The following FAM78B variants were observed in gnomAD, a reference collection of about 807,000 sequenced individuals.
FAM78B encodes the protein family with sequence similarity 78 member B.
FAM78B carries 10 observed loss-of-function variants against 20.0 expected under a neutral mutation model. The observed-to-expected ratio is 0.50, with a 90% CI of 0.31 to 0.85. The LOEUF (loss-of-function observed/expected upper bound fraction) is 0.85. Ranked by LOEUF, FAM78B falls within the 40% of genes least tolerant of loss-of-function variation. The pLI, the probability that FAM78B is intolerant of heterozygous loss-of-function variation, is 0.05. For missense variants in FAM78B, 283 were observed against 345.0 expected (o/e 0.82, Z 1.42); for synonymous variants, 135 against 132.8 (o/e 1.02, Z -0.12).
At chr1:166,084,227 ACACACACACACTCTCTCT>A (rs1275684885) in intron 1 of FAM78B, among the ~76,000 whole-genome samples, 3 of 135,392 alleles carry the variant, frequency 2.2e-5, no homozygotes, top group South Asian at 2.5e-4. Flanking sequence ...ACACACACAC[ACACACACACACTCTCTCT>A]CTCTCTCTCT....
chr1:166,083,416 C>T (rs1478464085), intron 1 of FAM78B, among the ~76,000 whole-genome samples: 1 of 152,204 alleles, frequency 6.6e-6, no homozygotes, highest in East Asian at 1.9e-4. Context: ...ATGTTACCAC[C>T]TGCTACCACG....
intron 1 of FAM78B, among the ~76,000 whole-genome samples, chr1:166,079,804 T>C (rs767999554): frequency 6.6e-6 from 1 of 152,208 alleles, no homozygotes; most frequent in Non-Finnish European, 1.5e-5. Flanking sequence ...CTGAGAAATA[T>C]GGCACCCTGG....
intron 1 of FAM78B, among the ~76,000 whole-genome samples, chr1:166,101,526 G>A (rs1293528262): frequency 3.3e-5 from 5 of 152,214 alleles, no homozygotes; most frequent in Non-Finnish European, 7.3e-5. Flanking sequence ...GGACCTGATG[G>A]AGCTGAAAAC....
At chr1:166,104,905 TA>T (rs1170431788) in intron 1 of FAM78B, among the ~76,000 whole-genome samples, 2 of 152,218 alleles carry the variant, frequency 1.3e-5, no homozygotes, top group African/African-American at 4.8e-5. Context: ...AAGTCAATCC[TA>T]AGCAAAAAGA....
downstream of FAM78B, chr1:166,057,277 C>A (rs1651387270): frequency 6.6e-6 from 1 of 152,106 alleles, no homozygotes; most frequent in African/African-American, 2.4e-5. Context: ...CAACATTATG[C>A]CTTAGCCTGC....
At chr1:166,060,499 G>A in exon 3 of FAM78B, 1 of 838,234 alleles carries the variant, frequency 1.2e-6, no homozygotes, top group Non-Finnish European at 1.7e-6. Flanking sequence ...ACTGGTCACG[G>A]GACGGGAGGA....
intron 1 of FAM78B, among the ~76,000 whole-genome samples, chr1:166,101,401 AG>A (rs1653508562): frequency 6.6e-6 from 1 of 152,234 alleles, no homozygotes; most frequent in South Asian, 2.1e-4. Flanking sequence ...GAGCTAAAGG[AG>A]GAAGTTTGAA....
At chr1:166,098,720 G>A (rs760057210) in intron 1 of FAM78B, among the ~76,000 whole-genome samples, 2 of 152,080 alleles carry the variant, frequency 1.3e-5, no homozygotes, top group Admixed American at 6.5e-5. Flanking sequence ...TATGAACAAA[G>A]CCTGCAAGAA....
rs1044590366 is a variant in FAM78B at position 166,088,807 on chromosome 1, CT to C, written c.264-18045del. On this transcript the variant is annotated intron_variant, in intron 1 of 1. Coordinates refer to ENST00000354422, the MANE Select transcript of FAM78B (RefSeq NM_001017961.5). Reference sequence around the variant, plus strand: ...ACACTGGGTGAATCTGGGCTTTGGGCTGTGTGGGGCTAGTGGGCTCCTCCAG... The same window carrying C: ...ACACTGGGTGAATCTGGGCTTTGGGCGTGTGGGGCTAGTGGGCTCCTCCAG... 2.2e-4 allele frequency among the ~76,000 whole-genome samples: 33 copies of C among 152,096 alleles called. 1 individual carries two copies. The highest frequency in any genetic ancestry group is 7.7e-4 in the African/African-American group (32 of 41,398).
downstream of FAM78B, among the ~76,000 whole-genome samples, chr1:166,068,993 GGCTT>G (rs1210150171): frequency 6.6e-6 from 1 of 152,168 alleles, no homozygotes; most frequent in Non-Finnish European, 1.5e-5. Flanking sequence ...TAGCAATACA[GGCTT>G]GCTTAACATG....
rs1557919358 is a variant in FAM78B at position 166,152,695 on chromosome 1, T to TTGATTG, written c.263+13290_263+13291insCAATCA. Among the ~76,000 whole-genome samples, 148 of 149,242 alleles carry TTGATTG rather than the reference T, an allele frequency of 9.9e-4. 1 individual carries two copies. The highest frequency in any genetic ancestry group is 3.5e-3 in the African/African-American group (139 of 39,914). ...TTATTTATTTATTTATTTATTTATT[T>TTGATTG]ATTGATGGAATCTCGCTCTGTCACC... is the stretch of plus-strand genomic sequence containing the variant. On this transcript the variant is annotated intron_variant, in intron 1 of 1. Transcript: ENST00000354422.
intron 1 of FAM78B, among the ~76,000 whole-genome samples, chr1:166,071,161 A>T (rs988292359): frequency 1.3e-5 from 2 of 152,216 alleles, no homozygotes; most frequent in Non-Finnish European, 2.9e-5. Context: ...TGATGGTTGA[A>T]ATTCGATGTA....
chr1:166,099,469 G>A (rs10918349), intron 1 of FAM78B, among the ~76,000 whole-genome samples: 29,707 of 152,104 alleles, frequency 0.2, 3,308 homozygotes, highest in East Asian at 0.38. Context: ...CTTAAAAGAT[G>A]CAGAACCCAC....
chr1:166,067,586 A>G (rs1441115510), downstream of FAM78B, among the ~76,000 whole-genome samples: 2 of 152,200 alleles, frequency 1.3e-5, no homozygotes, highest in Non-Finnish European at 2.9e-5. Flanking sequence ...TGTACAAGAG[A>G]CTTTCATTTG....
At chr1:166,160,254 G>A (rs1656091964) in intron 1 of FAM78B, among the ~76,000 whole-genome samples, 2 of 152,192 alleles carry the variant, frequency 1.3e-5, no homozygotes, top group South Asian at 4.1e-4. Context: ...GTAACAAAAA[G>A]GGGAGCTCTA....
chr1:166,093,744 G>C (rs537669315), intron 1 of FAM78B, among the ~76,000 whole-genome samples: 5 of 152,068 alleles, frequency 3.3e-5, no homozygotes, highest in South Asian at 2.1e-4. Context: ...GGTCACATGG[G>C]AAACACTTTT....
rs547700391 is a variant in FAM78B at position 166,102,304 on chromosome 1, C to T, written c.264-31541G>A. Among the ~76,000 whole-genome samples the T allele has an allele frequency of 3.9e-5, 6 of 152,218 alleles. No individual in the cohort carries two copies. In the East Asian group the frequency reaches 9.7e-4, roughly 24 times the overall value. On this transcript the variant is annotated intron_variant, in intron 1 of 1. Transcript: ENST00000354422. ...GCTAGGAAGAAACTGCATCAACTAACGAGCAAAATAACCAGCTAACATCAT... is the reference window on the plus strand; with the variant it reads ...GCTAGGAAGAAACTGCATCAACTAATGAGCAAAATAACCAGCTAACATCAT...
intron 1 of FAM78B, among the ~76,000 whole-genome samples, chr1:166,130,332 T>G (rs1557911052): frequency 6.6e-6 from 1 of 152,258 alleles, no homozygotes; most frequent in Non-Finnish European, 1.5e-5. Context: ...TTCTTCTTTC[T>G]GCTTCTACGT....
intron 1 of FAM78B, among the ~76,000 whole-genome samples, chr1:166,105,613 C>G (rs1390354429): frequency 1.3e-5 from 2 of 152,230 alleles, no homozygotes; most frequent in African/African-American, 4.8e-5. Context: ...AAATGCTCAT[C>G]ATCACTGGCC....
Sources: gnomAD v4.1 joint callset for allele counts (sites outside exome capture counted in the v4.1 genomes callset) on GRCh38, gnomAD v4.1.1 for gene constraint, MANE v1.5 for transcripts, NCBI Gene and HGNC (gene_info 2026-07-23, HGNC 2026-07-21) for gene names.